The following PRR5 variants were observed in gnomAD, a reference collection of about 807,000 sequenced individuals.
The protein encoded by PRR5 is proline rich 5.
In PRR5, 25 loss-of-function variants were observed where a neutral mutation model predicts 30.6. The ratio of observed to expected loss-of-function variants is 0.82; its 90% CI spans 0.60 to 1.14. PRR5 has a LOEUF of 1.14. Among genes scored for constraint, PRR5 ranks in the 50% most tolerant of loss-of-function variants. The pLI is 0.00. For synonymous variants in PRR5, 286 were observed against 247.1 expected, an observed-to-expected ratio of 1.16 and a Z score of -1.48; for missense variants, 600 against 547.1, an observed-to-expected ratio of 1.10 and a Z score of -0.96.
At chr22:44,719,778 CCT>C (rs1383921472) in intron 2 of PRR5, among the ~76,000 whole-genome samples, 1 of 152,200 alleles carries the variant, frequency 6.6e-6, no homozygotes, top group Non-Finnish European at 1.5e-5. Flanking sequence ...CCCTGCAAGG[CCT>C]CTCCTGCTGG....
rs140554444 is a variant in PRR5, at chr22:44,718,342, G to A, written c.215+3671G>A. 7.9e-3 allele frequency among the ~76,000 whole-genome samples: 1,206 copies of A among 151,854 alleles called. 14 individuals carry two copies. Among genetic ancestry groups the A allele is most frequent in the Non-Finnish European group, 0.013 (896 of 67,946 alleles). The stretch of plus-strand genomic sequence containing the variant: ...CCCGAGTAGCTGGGATTACAGGTGT[G>A]CATGACCACGCCTGGCTAATTTTTA... On this transcript the variant is annotated intron_variant, in intron 2 of 7. Transcript: ENST00000336985.
chr22:44,693,616 C>CTTT lies in PRR5; in HGVS notation c.-10-8855_-10-8853dup, dbSNP rs1228023916. Among the ~76,000 whole-genome samples the CTTT allele has an allele frequency of 3.2e-3, 291 of 90,568 alleles. 18 individuals carry two copies. The highest frequency in any genetic ancestry group is 7.9e-3 in the South Asian group (15 of 1,892). The allele number at this position is 90,568 out of a possible 152,430, so 59.4% of individuals were successfully genotyped here. A position where few individuals can be genotyped will look rare whatever the true frequency, so the allele number is the denominator to read the frequency against. ...TCTGTGACTTCACATTTCACATGGA[C>CTTT]TTTTTTTTTTTTTTTTTTTTTTTCT... is the stretch of plus-strand genomic sequence containing the variant. On this transcript the variant is annotated intron_variant, in intron 1 of 8. Transcript: ENST00000006251.
At position 44,735,014 on chromosome 22, in the gene PRR5, C is replaced by A. The variant is rs78103950; in HGVS notation, c.556-13C>A. ...GTGCATGACCCCCTACCCCCTGCCC[C>A]ACTCTCCTGCAGGGGGTACATGAGT... On this transcript the variant is annotated splice_polypyrimidine_tract_variant and intron_variant, in intron 6 of 7. Coordinates refer to ENST00000336985, the MANE Select transcript of PRR5 (RefSeq NM_181333.4). The A allele has an allele frequency of 1.4e-3, 2,305 of 1,610,094 alleles. 76 individuals carry two copies. The East Asian group carries it at 0.045, about 31-fold the overall frequency.
intron 1 of PRR5, among the ~76,000 whole-genome samples, chr22:44,703,664 G>A (rs1231039746): frequency 6.6e-6 from 1 of 152,192 alleles, no homozygotes; most frequent in East Asian, 1.9e-4. Context: ...TGTGGGAACA[G>A]TGAAGGAAGG....
At chr22:44,672,353 G>A (rs1923473413), upstream of PRR5, among the ~76,000 whole-genome samples, 1 of 152,190 alleles carries the variant, frequency 6.6e-6, no homozygotes, top group African/African-American at 2.4e-5. Context: ...GGGAGGTTGA[G>A]GCAGGTGGAT....
At chr22:44,730,625 G>C in intron 4 of PRR5, 1 of 1,009,714 alleles carries the variant, frequency 9.9e-7, no homozygotes, top group African/African-American at 1.7e-5. Flanking sequence ...CACCTGTCAA[G>C]ATGTGTCCCC....
At position 44,737,192 on chromosome 22, in the gene PRR5, GGGGCTCTGGCATGTCCGACTTGGA is replaced by G. The variant is rs770275121; in HGVS notation, c.1122_1145del (p.Met375_Gly382del). The G allele has an allele frequency of 3.1e-5, 50 of 1,612,092 alleles. No homozygotes were observed. Among genetic ancestry groups the G allele is most frequent in the African/African-American group, 5.3e-5 (4 of 74,938 alleles). On this transcript the variant is annotated inframe_deletion, in exon 8 of 8. Transcript: ENST00000336985. ...ATTTTCATTGACTTTGGCCGGGGCC[GGGGCTCTGGCATGTCCGACTTGGA>G]GGGCTCTGGGGGCCGGCAGAGTGTC...
chr22:44,731,069 T>G (rs1921867679), intron 4 of PRR5: 1 of 296,496 alleles, frequency 3.4e-6, no homozygotes, highest in African/African-American at 2.2e-5. Context: ...GGTCGGTGGG[T>G]AGAAGAAATC....
At chr22:44,732,838 A>G (rs1922354361) in intron 6 of PRR5, among the ~76,000 whole-genome samples, 1 of 41,592 alleles carries the variant, frequency 2.4e-5, no homozygotes, top group Admixed American at 2.4e-4. Context: ...CACATACTAC[A>G]CACGTGCACA....
chr22:44,704,413 C>G (rs932029281), intron 1 of PRR5, among the ~76,000 whole-genome samples: 1 of 152,090 alleles, frequency 6.6e-6, no homozygotes, highest in African/African-American at 2.4e-5. Flanking sequence ...GGAGTGGGCT[C>G]TGAGTCTCAA....
intron 6 of PRR5, among the ~76,000 whole-genome samples, chr22:44,733,573 T>A: frequency 6.6e-6 from 1 of 152,150 alleles, no homozygotes; most frequent in East Asian, 1.9e-4. Context: ...CAGGCCTGGC[T>A]GGGTTGAAGC....
At chr22:44,714,734 C>G (rs1415922797) in intron 2 of PRR5, 63 bp downstream of exon 2, 2 of 1,591,988 alleles carry the variant, frequency 1.3e-6, no homozygotes, top group East Asian at 2.2e-5. Flanking sequence ...GGCCCAGAGT[C>G]GAAGGCCCCA....
At chr22:44,731,399 T>C (rs1414217610) in intron 4 of PRR5, 2 of 426,608 alleles carry the variant, frequency 4.7e-6, no homozygotes, top group Non-Finnish European at 8.7e-6. Flanking sequence ...GGGTCTGGTA[T>C]GTGACAAAGG....
chr22:44,712,158 C>T (rs1928342970), intron 1 of PRR5, among the ~76,000 whole-genome samples: 1 of 152,140 alleles, frequency 6.6e-6, no homozygotes, highest in Non-Finnish European at 1.5e-5. Flanking sequence ...TCTCACGATT[C>T]CTGATTTACA....
chr22:44,702,979 C>G (rs550654903), intron 1 of PRR5, among the ~76,000 whole-genome samples: 62 of 152,334 alleles, frequency 4.1e-4, no homozygotes, highest in African/African-American at 1.5e-3. Context: ...AGTATTTTTC[C>G]CATTTTGCGG....
intron 1 of PRR5, among the ~76,000 whole-genome samples, chr22:44,679,014 C>G (rs1924021735): frequency 6.6e-6 from 1 of 152,198 alleles, no homozygotes; most frequent in African/African-American, 2.4e-5. Flanking sequence ...TTGAAAGAGA[C>G]TGCCATGGGA....
At chr22:44,694,665 C>A (rs562488681) in intron 1 of PRR5, among the ~76,000 whole-genome samples, 66 of 152,276 alleles carry the variant, frequency 4.3e-4, no homozygotes, top group African/African-American at 1.5e-3. Flanking sequence ...GGATAAGTCA[C>A]CTAACCTTTC....
At chr22:44,699,313 G>C (rs73173606), upstream of PRR5, among the ~76,000 whole-genome samples, 3,170 of 152,278 alleles carry the variant, frequency 0.021, 42 homozygotes, top group Middle Eastern at 0.034. Context: ...CTGCCAGCCA[G>C]GCCCTGCCTG....
intron 1 of PRR5, among the ~76,000 whole-genome samples, chr22:44,714,010 C>A (rs541779288): frequency 6.6e-6 from 1 of 152,024 alleles, no homozygotes. Flanking sequence ...TCACCATGTT[C>A]GCCAGGATGA....
Sources: allele counts gnomAD v4.1 joint callset (sites outside exome capture counted in the v4.1 genomes callset), GRCh38; gene constraint gnomAD v4.1.1; transcripts MANE v1.5; gene names NCBI Gene and HGNC (gene_info 2026-07-23, HGNC 2026-07-21).